The following MTRF1 variants were observed in gnomAD, a reference collection of about 807,000 sequenced individuals.
MTRF1 encodes mitochondrial translation release factor 1.
MTRF1 carries 51 observed loss-of-function variants against 62.9 expected under a neutral mutation model. That is an observed-to-expected ratio of 0.81 (90% CI 0.65 to 1.02). The LOEUF is 1.02. MTRF1 is among the 50% of genes least tolerant of loss of function. MTRF1 has a pLI of 0.00. For synonymous variants in MTRF1, 158 were observed against 181.9 expected (o/e 0.87, Z 1.06); for missense variants, 446 against 530.0 (o/e 0.84, Z 1.56).
In MTRF1 at chr13:41,252,964, C is replaced by G; in HGVS notation, c.574G>C (p.Gly192Arg). The stretch of plus-strand genomic sequence containing the variant: ...GTTTACTGACCTCCAGTAGTCCTTC[C>G]AGCTGTCACCTCTAAAATAACATCA... Reference protein sequence around the residue: ...KNDVILEVTAGRTTGGDICQQ... With the variant: ...KNDVILEVTARRTTGGDICQQ... The change falls in exon 4 of 10, where the codon GGA (glycine) becomes CGA (arginine). Residue 192 changes from glycine to arginine, a missense_variant. Gly to Arg is a moderately radical substitution (Grantham distance 125). Coordinates refer to ENST00000379480, the MANE Select transcript of MTRF1 (RefSeq NM_004294.4). 6.2e-7 allele frequency: 1 copy of G among 1,604,418 alleles called. No individual in the cohort carries two copies. Among genetic ancestry groups the G allele is most frequent in the Non-Finnish European group, 8.5e-7 (1 of 1,175,296 alleles).
At chr13:41,306,256 C>G in the MTRF1 span, among the ~76,000 whole-genome samples, 1 of 151,836 alleles carries the variant, frequency 6.6e-6, no homozygotes, top group Non-Finnish European at 1.5e-5. Flanking sequence ...TGGTGGCGGG[C>G]GCCTGTAGTC....
intron 9 of MTRF1, among the ~76,000 whole-genome samples, chr13:41,219,542 T>TA (rs1438000498): frequency 6.6e-6 from 1 of 151,842 alleles, no homozygotes; most frequent in African/African-American, 2.4e-5. Flanking sequence ...TATAATAAAT[T>TA]AAAAAATGAA....
intron 6 of MTRF1, among the ~76,000 whole-genome samples, chr13:41,237,872 T>C (rs1448252799): frequency 1.3e-5 from 2 of 152,192 alleles, no homozygotes; most frequent in African/African-American, 4.8e-5. Flanking sequence ...TTACTGTTAG[T>C]AATGTCGATA....
chr13:41,311,606 C>T, the MTRF1 span: 2 of 1,597,164 alleles, frequency 1.3e-6, no homozygotes, highest in South Asian at 1.1e-5. Context: ...GGCCGCGCTG[C>T]CGCCCCCCGG....
At chr13:41,254,472 A>T in intron 3 of MTRF1, 57 bp downstream of exon 3, 1 of 1,318,764 alleles carries the variant, frequency 7.6e-7, no homozygotes, top group South Asian at 1.3e-5. Flanking sequence ...AGAGTCTAGC[A>T]AAAACAGCAT....
At chr13:41,301,059 C>T in the MTRF1 span, among the ~76,000 whole-genome samples, 1 of 152,096 alleles carries the variant, frequency 6.6e-6, no homozygotes, top group Non-Finnish European at 1.5e-5. Flanking sequence ...TAAGAAATAG[C>T]AAATTGCATA....
At chr13:41,244,773 G>A (rs1330826591) in intron 5 of MTRF1, among the ~76,000 whole-genome samples, 1 of 152,136 alleles carries the variant, frequency 6.6e-6, no homozygotes, top group African/African-American at 2.4e-5. Flanking sequence ...AGCAGGCCCT[G>A]ACACCCCAGT....
intron 5 of MTRF1, among the ~76,000 whole-genome samples, chr13:41,246,434 A>G (rs2139027743): frequency 6.6e-6 from 1 of 152,280 alleles, no homozygotes; most frequent in African/African-American, 2.4e-5. Flanking sequence ...TTTGGTTTCT[A>G]AAGTCAGCAT....
chr13:41,219,311 AC>A (rs2032701610), intron 9 of MTRF1, among the ~76,000 whole-genome samples: 1 of 150,608 alleles, frequency 6.6e-6, no homozygotes, highest in Non-Finnish European at 1.5e-5. Context: ...AAAAAAATGT[AC>A]CTGGTACTCA....
intron 1 of MTRF1, chr13:41,263,162 TA>T: frequency 1.3e-6 from 1 of 768,030 alleles, no homozygotes; most frequent in Non-Finnish European, 1.9e-6. Flanking sequence ...TACTTATTGC[TA>T]AAATTTCCAT....
intron 5 of MTRF1, among the ~76,000 whole-genome samples, chr13:41,243,556 A>C (rs1257952523): frequency 1.3e-5 from 2 of 152,138 alleles, no homozygotes; most frequent in Non-Finnish European, 2.9e-5. Flanking sequence ...AAATGCTAAT[A>C]CTCTGGCTAC....
chr13:41,228,428 G>C lies in MTRF1; in HGVS notation c.989-1860C>G, dbSNP rs568299417. 1.2e-4 allele frequency among the ~76,000 whole-genome samples: 18 copies of C among 152,176 alleles called. No individual in the cohort carries two copies. In the East Asian group the frequency reaches 3.5e-3, roughly 29 times the overall value. On this transcript the variant is annotated intron_variant, in intron 7 of 9. Coordinates refer to ENST00000379480, the MANE Select transcript of MTRF1 (RefSeq NM_004294.4). ...ACTAAAAATACAAAAACTAGCCAGC[G>C]TGGTAGCTGCACCTATAGTCCCAGC...
At chr13:41,258,798 A>G (rs765563967) in intron 2 of MTRF1, among the ~76,000 whole-genome samples, 1 of 152,192 alleles carries the variant, frequency 6.6e-6, no homozygotes, top group Non-Finnish European at 1.5e-5. Context: ...AAATTTAAAA[A>G]TATCATGCTT....
At chr13:41,311,429 C>G in the MTRF1 span, 1 of 1,166,470 alleles carries the variant, frequency 8.6e-7, no homozygotes, top group Non-Finnish European at 1.2e-6. Flanking sequence ...GCCCGCAGCC[C>G]GACTCTCAGC....
chr13:41,254,031 A>G (rs1373131963), intron 3 of MTRF1, among the ~76,000 whole-genome samples: 3 of 152,178 alleles, frequency 2.0e-5, no homozygotes, highest in Admixed American at 6.5e-5. Flanking sequence ...TGTCTAGGAG[A>G]TATCAGCTGA....
At chr13:41,235,029 G>A (rs2036236766) in intron 6 of MTRF1, 1 of 151,944 alleles carries the variant, frequency 6.6e-6, no homozygotes, top group Non-Finnish European at 1.5e-5. Context: ...GTTATTTTTA[G>A]AATTTAAGAT....
intron 5 of MTRF1, among the ~76,000 whole-genome samples, chr13:41,245,276 C>T (rs1407691060): frequency 6.6e-6 from 1 of 151,108 alleles, no homozygotes; most frequent in African/African-American, 2.4e-5. Context: ...CATGGTCTCA[C>T]TCTGTCCTCT....
the MTRF1 span, chr13:41,311,504 C>G: frequency 4.4e-6 from 7 of 1,583,548 alleles, no homozygotes; most frequent in South Asian, 2.3e-5. Flanking sequence ...TCCCTGCCGG[C>G]CACCTAGCCT....
intron 5 of MTRF1, among the ~76,000 whole-genome samples, chr13:41,240,883 G>A (rs895660673): frequency 4.0e-5 from 6 of 151,798 alleles, no homozygotes; most frequent in Admixed American, 2.6e-4. Flanking sequence ...AGGCTAATAG[G>A]GTATCATATA....
Sources: allele counts gnomAD v4.1 joint callset (sites outside exome capture counted in the v4.1 genomes callset), GRCh38; gene constraint gnomAD v4.1.1; transcripts MANE v1.5; gene names NCBI Gene and HGNC (gene_info 2026-07-23, HGNC 2026-07-21).